ZNF215: variants seen among roughly 807,000 people sequenced by gnomAD.
ZNF215 encodes the protein zinc finger protein 215.
Under a neutral mutation model 27.2 loss-of-function variants are expected in ZNF215, and 24 were observed. That is an observed-to-expected ratio of 0.88 (90% CI 0.64 to 1.24). ZNF215 has a LOEUF of 1.24. Among genes scored for constraint, ZNF215 ranks in the 50% most tolerant of loss-of-function variants. The pLI, the probability that ZNF215 is intolerant of heterozygous loss-of-function variation, is 0.00. For missense variants in ZNF215, 675 were observed against 605.7 expected (o/e 1.11, Z -1.20); for synonymous variants, 210 against 204.0 (o/e 1.03, Z -0.25).
intron 5 of ZNF215, among the ~76,000 whole-genome samples, chr11:6,971,120 A>G (rs1310632001): frequency 6.6e-6 from 1 of 152,126 alleles, no homozygotes; most frequent in Non-Finnish European, 1.5e-5. Flanking sequence ...AAAAAAACAA[A>G]TTTGATTAAG....
At chr11:6,991,475 ACCCTAGAGC>A (rs1851117069), downstream of ZNF215, among the ~76,000 whole-genome samples, 1 of 152,102 alleles carries the variant, frequency 6.6e-6, no homozygotes, top group African/African-American at 2.4e-5. Flanking sequence ...TGAGGGCCCT[ACCCTAGAGC>A]CCCCTCAGGC....
chr11:6,946,326 A>C (rs969659560), intron 6 of ZNF215, among the ~76,000 whole-genome samples: 2 of 152,152 alleles, frequency 1.3e-5, no homozygotes, highest in Admixed American at 1.3e-4. Flanking sequence ...TTATTTCACA[A>C]CATTCTATTC....
At chr11:6,993,594 T>C (rs1851143111), downstream of ZNF215, among the ~76,000 whole-genome samples, 1 of 152,200 alleles carries the variant, frequency 6.6e-6, no homozygotes, top group Admixed American at 6.5e-5. Context: ...TTATTTTCAG[T>C]GATCACATTT....
At chr11:6,986,348 C>T (rs192427136), downstream of ZNF215, among the ~76,000 whole-genome samples, 37 of 152,162 alleles carry the variant, frequency 2.4e-4, no homozygotes, top group East Asian at 6.6e-3. Context: ...GAAACTAGAT[C>T]CCTACCTAAC....
At chr11:6,987,358 TG>T (rs1224297914), downstream of ZNF215, among the ~76,000 whole-genome samples, 2 of 151,882 alleles carry the variant, frequency 1.3e-5, no homozygotes, top group African/African-American at 4.8e-5. Flanking sequence ...AAATAGACAC[TG>T]GGGAATACAA....
downstream of ZNF215, among the ~76,000 whole-genome samples, chr11:6,992,969 T>C (rs1299962751): frequency 6.6e-6 from 1 of 152,244 alleles, no homozygotes; most frequent in African/African-American, 2.4e-5. Context: ...ACTCCTATGA[T>C]GGCAGAATGT....
At chr11:6,980,569 C>G (rs72848563) in intron 5 of ZNF215, among the ~76,000 whole-genome samples, 9,291 of 151,846 alleles carry the variant, frequency 0.061, 402 homozygotes, top group East Asian at 0.16. Flanking sequence ...ATCAGCCAGT[C>G]ATTTGAAAAA....
chr11:6,956,648 C>G lies in ZNF215; in HGVS notation c.*117C>G. 1 of 1,407,376 alleles carries G rather than the reference C, an allele frequency of 7.1e-7. No homozygotes were observed. The highest frequency in any genetic ancestry group is 9.2e-7 in the Non-Finnish European group (1 of 1,087,752). 87.2% of individuals were successfully genotyped at this position (1,407,376 alleles called of 1,614,324 possible). A position where few individuals can be genotyped will look rare whatever the true frequency, so the allele number is the denominator to read the frequency against. On this transcript the variant is annotated 3_prime_UTR_variant, in exon 7 of 7. Transcript: ENST00000278319. ...GTAAGAAAACATTTGTCAGATTTTT[C>G]TTTAAATGATATCACAGAATTAATG...
intron 3 of ZNF215, among the ~76,000 whole-genome samples, chr11:6,938,372 A>G (rs1415789294): frequency 3.3e-5 from 5 of 152,082 alleles, no homozygotes; most frequent in African/African-American, 1.2e-4. Context: ...GGAATTGTAT[A>G]TCGTTGTTGG....
intron 6 of ZNF215, among the ~76,000 whole-genome samples, chr11:6,950,782 G>C (rs1468807100): frequency 6.8e-6 from 1 of 148,132 alleles, no homozygotes; most frequent in East Asian, 2.0e-4. Flanking sequence ...GAATAGGAGT[G>C]GTGAGAGAGG....
chr11:6,982,006 T>C (rs1364407726), intron 5 of ZNF215, among the ~76,000 whole-genome samples: 2 of 152,058 alleles, frequency 1.3e-5, no homozygotes, highest in East Asian at 1.9e-4. Flanking sequence ...GTTTTGGTTA[T>C]TGTAGCCTTG....
intron 2 of ZNF215, 37 bp downstream of exon 2, chr11:6,927,844 A>G (rs1262000127): frequency 6.7e-6 from 1 of 150,074 alleles, no homozygotes; most frequent in Non-Finnish European, 1.5e-5. Flanking sequence ...TCACCTACAA[A>G]CCTCCCAGTA....
chr11:6,960,348 G>C (rs1452353220), downstream of ZNF215, among the ~76,000 whole-genome samples: 2 of 152,176 alleles, frequency 1.3e-5, no homozygotes, highest in Non-Finnish European at 2.9e-5. Flanking sequence ...GAGCTCCAAA[G>C]AGTGACAAAG....
At chr11:6,931,193 A>G (rs1269696767) in intron 2 of ZNF215, among the ~76,000 whole-genome samples, 2 of 152,206 alleles carry the variant, frequency 1.3e-5, no homozygotes, top group Non-Finnish European at 2.9e-5. Context: ...ATCAAATAGA[A>G]AGTTGTATCT....
intron 5 of ZNF215, among the ~76,000 whole-genome samples, chr11:6,976,604 T>A (rs1850838920): frequency 6.6e-6 from 1 of 152,066 alleles, no homozygotes; most frequent in Non-Finnish European, 1.5e-5. Flanking sequence ...TTGTTTTATT[T>A]AATAATTCCA....
Position 6,956,461 on chromosome 11 carries a change from GTAGT to G in ZNF215, c.1485_1488del (p.Cys495Ter), listed in dbSNP as rs1564966230. ...GAGAAACCATTCAAATGTAAGGAAT[GTAGT>G]AAAGCCTTCAACAGGAGTTCAAACC... On this transcript the variant is annotated frameshift_variant, in exon 7 of 7. Transcript: ENST00000278319. LOFTEE classifies it low-confidence loss of function (END_TRUNC). 3 of 1,613,990 alleles carry G rather than the reference GTAGT, an allele frequency of 1.9e-6. No individual in the cohort carries two copies. In the Admixed American group the frequency reaches 5.0e-5, roughly 27 times the overall value.
intron 5 of ZNF215, among the ~76,000 whole-genome samples, chr11:6,971,945 A>C (rs181993558): frequency 5.3e-5 from 8 of 152,278 alleles, no homozygotes; most frequent in Admixed American, 1.3e-4. Context: ...CAAATTTTAA[A>C]TTAAAGTCAT....
At chr11:6,967,031 CCT>C (rs1289716380) in intron 5 of ZNF215, among the ~76,000 whole-genome samples, 1 of 151,874 alleles carries the variant, frequency 6.6e-6, no homozygotes, top group Non-Finnish European at 1.5e-5. Context: ...TCTTTGTTCA[CCT>C]CCTACTTATG....
At position 6,969,349 on chromosome 11, in the gene ZNF215, T is replaced by C. The variant is rs191779688; in HGVS notation, c.805+13567T>C. Among the ~76,000 whole-genome samples the C allele has an allele frequency of 2.6e-4, 39 of 152,324 alleles. No individual in the cohort carries two copies. The East Asian group carries it at 7.1e-3, about 28-fold the overall frequency. On this transcript the variant is annotated intron_variant, in intron 5 of 5. Coordinates refer to the ZNF215 transcript ENST00000529903. Reference sequence around the variant, plus strand: ...TCCAAATATACATTTGAGCTACTCCTTGTGGAATTAAGAAAACTCACATTT... The same window carrying C: ...TCCAAATATACATTTGAGCTACTCCCTGTGGAATTAAGAAAACTCACATTT...
Sources: gnomAD v4.1 joint callset for allele counts (sites outside exome capture counted in the v4.1 genomes callset) on GRCh38, gnomAD v4.1.1 for gene constraint, MANE v1.5 for transcripts, NCBI Gene and HGNC (gene_info 2026-07-23, HGNC 2026-07-21) for gene names.